ING3: variants seen among roughly 807,000 people sequenced by gnomAD.
ING3 encodes the protein inhibitor of growth protein 3.
ING3 carries 6 observed loss-of-function variants against 64.8 expected under a neutral mutation model. That is an observed-to-expected ratio of 0.09 (90% CI 0.05 to 0.18). The LOEUF is 0.18. Among genes scored for constraint, ING3 ranks in the 10% least tolerant of loss-of-function variants. The pLI is 1.00. For missense variants in ING3, 310 were observed against 489.7 expected, an observed-to-expected ratio of 0.63 and a Z score of 3.46; for synonymous variants, 170 against 173.7, an observed-to-expected ratio of 0.98 and a Z score of 0.17.
Position 120,951,150 on chromosome 7 carries a change from T to A in ING3, c.29-14T>A. ...CGTTGGCCCCGCCCCTCTGACGGACTCTCCCTTTGACAGTGATTGAGCAGC... is the reference window on the plus strand; with the variant it reads ...CGTTGGCCCCGCCCCTCTGACGGACACTCCCTTTGACAGTGATTGAGCAGC... On this transcript the variant is annotated splice_polypyrimidine_tract_variant and intron_variant, in intron 1 of 11. Transcript: ENST00000315870. 1 of 1,613,902 alleles carries A rather than the reference T, an allele frequency of 6.2e-7. No homozygotes were observed. Among genetic ancestry groups the A allele is most frequent in the African/African-American group, 1.3e-5 (1 of 75,036 alleles).
intron 5 of ING3, among the ~76,000 whole-genome samples, chr7:120,966,146 A>G (rs1010600039): frequency 6.6e-6 from 1 of 152,166 alleles, no homozygotes; most frequent in Non-Finnish European, 1.5e-5. Flanking sequence ...TGCGAACAAA[A>G]TCCCTAACTT....
In ING3 at chr7:120,966,704, T is replaced by G. The variant is rs2116679993; in HGVS notation, c.436+7T>G. 6.2e-7 allele frequency: 1 copy of G among 1,604,190 alleles called. No individual in the cohort carries two copies. Among genetic ancestry groups the G allele is most frequent in the East Asian group, 2.2e-5 (1 of 44,840 alleles). ...TCACATACTCCAGTGGAAAGTAAGT[T>G]TGGTGTAGTGCAGCTAAGTTTTAAA... On this transcript the variant is annotated splice_region_variant and intron_variant, in intron 6 of 11. Transcript: ENST00000315870.
At chr7:120,968,350 T>C (rs375087813) in intron 8 of ING3, among the ~76,000 whole-genome samples, 10 of 152,208 alleles carry the variant, frequency 6.6e-5, no homozygotes, top group East Asian at 5.8e-4. Context: ...ATGTTGCCCA[T>C]GTTCTTGACT....
chr7:120,968,364 G>T (rs1277225281), intron 8 of ING3, among the ~76,000 whole-genome samples: 1 of 152,156 alleles, frequency 6.6e-6, no homozygotes, highest in East Asian at 1.9e-4. Flanking sequence ...CTTGACTGCA[G>T]TCCACAGCAC....
At chr7:120,951,981 A>T (rs1795773104) in intron 2 of ING3, among the ~76,000 whole-genome samples, 1 of 152,116 alleles carries the variant, frequency 6.6e-6, no homozygotes, top group South Asian at 2.1e-4. Context: ...TGTCCTTTTC[A>T]CTGCTCCTGG....
intron 8 of ING3, 93 bp from the exon 9 acceptor site, chr7:120,968,918 G>T: frequency 7.4e-4 from 376 of 508,744 alleles, no homozygotes; most frequent in East Asian, 2.7e-3. Flanking sequence ...ATTAACATTT[G>T]ATAAACCAAA....
intron 4 of ING3, chr7:120,956,858 G>C: frequency 1.1e-6 from 1 of 923,498 alleles, no homozygotes. Flanking sequence ...AATTCATATA[G>C]CTCTTTGGTT....
At chr7:120,971,595 G>A (rs1308339482) in intron 10 of ING3, among the ~76,000 whole-genome samples, 1 of 151,964 alleles carries the variant, frequency 6.6e-6, no homozygotes, top group African/African-American at 2.4e-5. Flanking sequence ...TCTAAATCAG[G>A]TATACCGAAC....
chr7:120,957,927 T>A (rs1795875031), intron 4 of ING3, among the ~76,000 whole-genome samples: 1 of 152,218 alleles, frequency 6.6e-6, no homozygotes, highest in Non-Finnish European at 1.5e-5. Context: ...AATATTAATT[T>A]ATACCTTACT....
chr7:120,950,802 G>A lies in ING3; in HGVS notation c.-95G>A. ...CCGGAGTCGAGCGGGTGCTGCTAGC[G>A]GAGGCGCCATATTGGAGGGGACAAA... On this transcript the variant is annotated 5_prime_UTR_variant, in exon 1 of 12. Transcript: ENST00000315870. 1 of 1,060,054 alleles carries A rather than the reference G, an allele frequency of 9.4e-7. No homozygotes were observed. Among genetic ancestry groups the A allele is most frequent in the Non-Finnish European group, 1.4e-6 (1 of 737,562 alleles). The allele number at this position is 1,060,054 out of a possible 1,614,324, so 65.7% of individuals were successfully genotyped here.
chr7:120,951,210 G>A lies in ING3; in HGVS notation c.75G>A (p.Met25Ile). 6.2e-7 allele frequency: 1 copy of A among 1,614,178 alleles called. No homozygotes were observed. The highest frequency in any genetic ancestry group is 2.2e-5 in the East Asian group (1 of 44,882). The change falls in exon 2 of 12, where the codon ATG (methionine) becomes ATA (isoleucine). Residue 25 changes from methionine to isoleucine, a missense_variant. Transcript: ENST00000315870. The stretch of plus-strand genomic sequence containing the variant: ...ATCTGCGGGACCGCTTCACGGAAAT[G>A]CGCGAGATGGACCTGCAGGTGCAGA... ...PMDLRDRFTE[M>I]REMDLQVQNA...
At chr7:120,966,120 T>A (rs1433047936) in intron 5 of ING3, among the ~76,000 whole-genome samples, 1 of 152,188 alleles carries the variant, frequency 6.6e-6, no homozygotes, top group Non-Finnish European at 1.5e-5. Context: ...TGTTAGAGAT[T>A]CTATTCCTCA....
chr7:120,956,082 A>G, intron 4 of ING3: 2 of 933,542 alleles, frequency 2.1e-6, no homozygotes, highest in Non-Finnish European at 3.5e-6. Flanking sequence ...GTGATGTTAA[A>G]AGATCGTATG....
intron 4 of ING3, among the ~76,000 whole-genome samples, chr7:120,961,176 A>C (rs1042932845): frequency 6.6e-6 from 1 of 152,194 alleles, no homozygotes. Context: ...GTTATATGCT[A>C]AGGCCTCTCA....
chr7:120,969,474 A>G (rs1230885744), intron 9 of ING3, among the ~76,000 whole-genome samples: 1 of 152,174 alleles, frequency 6.6e-6, no homozygotes, highest in Non-Finnish European at 1.5e-5. Flanking sequence ...ATTCATTAAG[A>G]TAAATCATTT....
chr7:120,961,037 A>G lies in ING3; in HGVS notation c.268-3705A>G, dbSNP rs189338664. On this transcript the variant is annotated intron_variant, in intron 4 of 11. Transcript: ENST00000315870. The stretch of plus-strand genomic sequence containing the variant: ...CCTGGCCTGTTCCTGAGATGGTTAT[A>G]TTTCAGATGCACATTTTACCTATAA... Among the ~76,000 whole-genome samples the G allele has an allele frequency of 3.8e-4, 58 of 152,234 alleles. No individual in the cohort carries two copies. In the East Asian group the frequency reaches 0.011, roughly 28 times the overall value.
intron 5 of ING3, 40 bp downstream of exon 5, chr7:120,964,878 A>G (rs974471454): frequency 4.7e-6 from 7 of 1,493,544 alleles, no homozygotes; most frequent in Middle Eastern, 1.7e-4. Context: ...ATTGGACAGT[A>G]CATGTGCAAA....
At chr7:120,958,555 C>T (rs1795884982) in intron 4 of ING3, among the ~76,000 whole-genome samples, 2 of 152,192 alleles carry the variant, frequency 1.3e-5, no homozygotes, top group Admixed American at 1.3e-4. Flanking sequence ...GTCTACACTT[C>T]CTCCTATTTT....
chr7:120,956,910 G>A, intron 4 of ING3: 1 of 655,986 alleles, frequency 1.5e-6, no homozygotes, highest in South Asian at 6.8e-5. Context: ...TTTATTGCTT[G>A]TTAGACCTTT....
Sources: gnomAD v4.1 joint callset for allele counts (sites outside exome capture counted in the v4.1 genomes callset) on GRCh38, gnomAD v4.1.1 for gene constraint, MANE v1.5 for transcripts, NCBI Gene and HGNC (gene_info 2026-07-23, HGNC 2026-07-21) for gene names.